NET1: variants seen among roughly 807,000 people sequenced by gnomAD.
The protein encoded by NET1 is neuroepithelial cell transforming 1.
A neutral mutation model predicts 61.1 loss-of-function variants in NET1; 42 were observed. The ratio of observed to expected loss-of-function variants is 0.69; its 90% CI spans 0.54 to 0.89. NET1 has a LOEUF of 0.89. NET1 is among the 40% of genes least tolerant of loss of function. The pLI is 0.00. For synonymous variants in NET1, 254 were observed against 281.8 expected (o/e 0.90, Z 0.99); for missense variants, 654 against 747.3 (o/e 0.88, Z 1.46).
In NET1 at chr10:5,456,861, C is replaced by A. The variant is rs139000528; in HGVS notation, c.1658C>A (p.Ala553Asp). 29 of 1,614,128 alleles carry A rather than the reference C, an allele frequency of 1.8e-5. 2 individuals are homozygous for A. The highest frequency in any genetic ancestry group is 1.5e-4 in the Admixed American group (9 of 60,018). ...ACTCAGGTAGAAGTTGATGAAAACG[C>A]TTACAGATGTGGCTCTGGCATGCAG... is the stretch of plus-strand genomic sequence containing the variant. ...SVTQVEVDENAYRCGSGMQMA... is the reference protein window; with the variant it reads ...SVTQVEVDENDYRCGSGMQMA... Residue 553 changes from alanine (A) to aspartate (D), a missense_variant, in exon 12 of 12, where the codon GCT becomes GAT. By Grantham distance (126) the Ala-to-Asp change is moderately radical. Transcript: ENST00000355029. The surrounding 1 kb of genome is among the most constrained non-coding windows in gnomAD (Gnocchi z 7.0).
rs549705274 is a variant in NET1, at chr10:5,418,442, G to T, written c.128+5622G>T. Among the ~76,000 whole-genome samples the T allele has an allele frequency of 1.1e-4, 17 of 152,132 alleles. 1 individual carries two copies. In the South Asian group the frequency reaches 3.5e-3, roughly 32 times the overall value. ...CTAATTTGTTGGTGTACCCTTCCTT[G>T]TTCATAGTATTTCTTTATAATCCTT... On this transcript the variant is annotated intron_variant, in intron 1 of 11. Transcript: ENST00000355029.
At position 5,440,143 on chromosome 10, in the gene NET1, G is replaced by C. The variant is rs182783235; in HGVS notation, c.255+10914G>C. Among the ~76,000 whole-genome samples the C allele has an allele frequency of 2.0e-5, 3 of 152,244 alleles. No individual in the cohort carries two copies. Among genetic ancestry groups the C allele is most frequent in the African/African-American group, 2.4e-5 (1 of 41,524 alleles). ...CACTTCCTATTCACCAGGTCTTTTT[G>C]GTATAATGTTATTAATACAGTGGGC... On this transcript the variant is annotated intron_variant, in intron 3 of 11. Coordinates refer to ENST00000355029, the MANE Select transcript of NET1 (RefSeq NM_001047160.3). This position sits in a 1 kb window ranked among gnomAD's most constrained non-coding sequence, Gnocchi z 4.1.
At position 5,456,421 on chromosome 10, in the gene NET1, A is replaced by C; in HGVS notation, c.1384+148A>C. ...GAGTTGTCCAGGCCTTCCCAGCTCG[A>C]ACACCCGCAGGTGTATCTAAGAAAT... On this transcript the variant is annotated intron_variant, in intron 11 of 11. Coordinates refer to ENST00000355029, the MANE Select transcript of NET1 (RefSeq NM_001047160.3). The surrounding 1 kb of genome is among the most constrained non-coding windows in gnomAD (Gnocchi z 7.0). 9.7e-7 allele frequency: 1 copy of C among 1,030,720 alleles called. No individual in the cohort carries two copies. Among genetic ancestry groups the C allele is most frequent in the Non-Finnish European group, 1.4e-6 (1 of 725,612 alleles). 63.8% of individuals were successfully genotyped at this position (1,030,720 alleles called of 1,614,324 possible). A position where few individuals can be genotyped will look rare whatever the true frequency, so the allele number is the denominator to read the frequency against.
rs905090879 is a variant in NET1 at position 5,451,734 on chromosome 10, A to C, written c.256-96A>C. The C allele has an allele frequency of 7.2e-6, 6 of 838,350 alleles. No homozygotes were observed. Among genetic ancestry groups the C allele is most frequent in the Middle Eastern group, 2.5e-4 (1 of 4,044 alleles). 51.9% of individuals were successfully genotyped at this position (838,350 alleles called of 1,614,324 possible). A position where few individuals can be genotyped will look rare whatever the true frequency, so the allele number is the denominator to read the frequency against. On this transcript the variant is annotated intron_variant, in intron 3 of 11. Coordinates refer to ENST00000355029, the MANE Select transcript of NET1 (RefSeq NM_001047160.3). This position sits in a 1 kb window ranked among gnomAD's most constrained non-coding sequence, Gnocchi z 6.1. ...CATGTTTCTGTATTTTATAATGTAC[A>C]AAAATTGTTTTGTGAGAGGGCTTTA...
In NET1 at chr10:5,427,676, A is replaced by C. The variant is rs1246334006; in HGVS notation, c.195+955A>C. The stretch of plus-strand genomic sequence containing the variant: ...CTTGAGTTCCAACACCTCCATTCTG[A>C]TATATATTGTTCTTTCATGTCTTAG... On this transcript the variant is annotated intron_variant, in intron 2 of 11. Transcript: ENST00000355029. This position sits in a 1 kb window ranked among gnomAD's most constrained non-coding sequence, Gnocchi z 4.1. 6.6e-6 allele frequency among the ~76,000 whole-genome samples: 1 copy of C among 152,046 alleles called. No homozygotes were observed. Among genetic ancestry groups the C allele is most frequent in the African/African-American group, 2.4e-5 (1 of 41,402 alleles).
Position 5,442,357 on chromosome 10 carries a change from A to G in NET1, c.256-9473A>G, listed in dbSNP as rs141382988. Reference sequence around the variant, plus strand: ...ATTGTTCCAGGTAAAAGTAGATAATAATGCCTAGACCAAAAAAAGTAATGA... The same window carrying G: ...ATTGTTCCAGGTAAAAGTAGATAATGATGCCTAGACCAAAAAAAGTAATGA... On this transcript the variant is annotated intron_variant, in intron 3 of 11. Transcript: ENST00000355029. Among the ~76,000 whole-genome samples, 52 of 152,324 alleles carry G rather than the reference A, an allele frequency of 3.4e-4. No homozygotes were observed. The East Asian group carries it at 8.5e-3, about 25-fold the overall frequency.
intron 3 of NET1, 64 bp downstream of exon 3, chr10:5,429,293 T>C (rs892137822): frequency 6.5e-6 from 8 of 1,227,394 alleles, no homozygotes; most frequent in Non-Finnish European, 9.2e-6. Context: ...TTTATTTCTG[T>C]GCTGCAAGAA....
chr10:5,452,808 AT>A lies in NET1; in HGVS notation c.532-46del. 6.6e-7 allele frequency: 1 copy of A among 1,519,310 alleles called. No individual in the cohort carries two copies. Among genetic ancestry groups the A allele is most frequent in the Non-Finnish European group, 9.0e-7 (1 of 1,106,950 alleles). 94.1% of individuals were successfully genotyped at this position (1,519,310 alleles called of 1,614,324 possible). A position where few individuals can be genotyped will look rare whatever the true frequency, so the allele number is the denominator to read the frequency against. Reference sequence around the variant, plus strand: ...ATAATGTAATTATCAGTTGTATATAATTTTCCTTTCTCGAAGGAATGACCTC... The same window carrying A: ...ATAATGTAATTATCAGTTGTATATAATTTCCTTTCTCGAAGGAATGACCTC... On this transcript the variant is annotated intron_variant, in intron 5 of 11. Transcript: ENST00000355029. The surrounding 1 kb of genome is among the most constrained non-coding windows in gnomAD (Gnocchi z 4.0).
rs142095506 is a variant in NET1 at position 5,456,182 on chromosome 10, C to A, written c.1293C>A (p.Ile431=). The change falls in exon 11 of 12, where the codon ATC becomes ATA. Residue 431 remains isoleucine, a synonymous_variant. Coordinates refer to ENST00000355029, the MANE Select transcript of NET1 (RefSeq NM_001047160.3). This position sits in a 1 kb window ranked among gnomAD's most constrained non-coding sequence, Gnocchi z 7.0. ...RHSYQVYRQP[I]PVQELVLEDL... is the part of the protein sequence containing the mutation. ...CTTACCAGGTTTACCGGCAGCCAAT[C>A]CCAGTCCAAGAGCTAGTCCTAGAAG... The A allele has an allele frequency of 9.3e-6, 15 of 1,614,066 alleles. No individual in the cohort carries two copies. The highest frequency in any genetic ancestry group is 3.3e-5 in the Admixed American group (2 of 60,008).
At chr10:5,450,249 C>G (rs1832683467) in intron 3 of NET1, among the ~76,000 whole-genome samples, 1 of 152,206 alleles carries the variant, frequency 6.6e-6, no homozygotes. Context: ...TTAAAGCCTT[C>G]AGATTTCCAA....
At chr10:5,436,471 C>T (rs569639227) in intron 3 of NET1, among the ~76,000 whole-genome samples, 5 of 150,104 alleles carry the variant, frequency 3.3e-5, no homozygotes, top group East Asian at 2.0e-4. Flanking sequence ...CCTGACCTCA[C>T]GTGATCCACC....
At position 5,455,148 on chromosome 10, in the gene NET1, A is replaced by C; in HGVS notation, c.1197+30A>C. ...GTGACTTTTGCTGCCGTGGCAGAGCAGCCTTCCCTCCTGCCTCTTTAACTT... is the reference window on the plus strand; with the variant it reads ...GTGACTTTTGCTGCCGTGGCAGAGCCGCCTTCCCTCCTGCCTCTTTAACTT... On this transcript the variant is annotated intron_variant, in intron 10 of 11. Transcript: ENST00000355029. The surrounding 1 kb of genome is among the most constrained non-coding windows in gnomAD (Gnocchi z 6.5). 2 of 1,606,690 alleles carry C rather than the reference A, an allele frequency of 1.2e-6. No homozygotes were observed. Among genetic ancestry groups the C allele is most frequent in the Non-Finnish European group, 1.7e-6 (2 of 1,174,900 alleles).
Position 5,449,145 on chromosome 10 carries a change from A to G in NET1, c.256-2685A>G, listed in dbSNP as rs1221566049. On this transcript the variant is annotated intron_variant, in intron 3 of 11. Transcript: ENST00000355029. This position sits in a 1 kb window ranked among gnomAD's most constrained non-coding sequence, Gnocchi z 4.4. ...GAGTCTGTTTTCAAATAGTATATGTATCCTGAAATTAGTAGCAGCATTATA... is the reference window on the plus strand; with the variant it reads ...GAGTCTGTTTTCAAATAGTATATGTGTCCTGAAATTAGTAGCAGCATTATA... Among the ~76,000 whole-genome samples, 2 of 152,224 alleles carry G rather than the reference A, an allele frequency of 1.3e-5. No individual in the cohort carries two copies. Among genetic ancestry groups the G allele is most frequent in the Non-Finnish European group, 2.9e-5 (2 of 68,044 alleles).
Position 5,427,275 on chromosome 10 carries a change from C to T in NET1, c.195+554C>T, listed in dbSNP as rs1588426587. ...TAGCTCATAATACATATATAAAGTACGTACAAATAGATCATGATTCTTATG... is the reference window on the plus strand; with the variant it reads ...TAGCTCATAATACATATATAAAGTATGTACAAATAGATCATGATTCTTATG... On this transcript the variant is annotated intron_variant, in intron 2 of 11. Transcript: ENST00000355029. The surrounding 1 kb of genome is among the most constrained non-coding windows in gnomAD (Gnocchi z 4.1). Among the ~76,000 whole-genome samples the T allele has an allele frequency of 6.6e-6, 1 of 151,932 alleles. No individual in the cohort carries two copies. The highest frequency in any genetic ancestry group is 2.4e-5 in the African/African-American group (1 of 41,366).
chr10:5,455,920 G>C lies in NET1; in HGVS notation c.1198-167G>C, dbSNP rs1564469648. Among the ~76,000 whole-genome samples the C allele has an allele frequency of 6.6e-6, 1 of 152,156 alleles. No homozygotes were observed. Among genetic ancestry groups the C allele is most frequent in the South Asian group, 2.1e-4 (1 of 4,832 alleles). ...TGGAAAAACTTTCCAAATAGAACAT[G>C]CTTAGCCTTGAAATTGCCATCTTTA... On this transcript the variant is annotated intron_variant, in intron 10 of 11. Coordinates refer to ENST00000355029, the MANE Select transcript of NET1 (RefSeq NM_001047160.3). This position sits in a 1 kb window ranked among gnomAD's most constrained non-coding sequence, Gnocchi z 6.5.
At chr10:5,425,543 A>G (rs1000279286) in intron 1 of NET1, among the ~76,000 whole-genome samples, 5 of 152,202 alleles carry the variant, frequency 3.3e-5, no homozygotes, top group African/African-American at 1.2e-4. Context: ...TCACACTTCC[A>G]ATTCATAACC....
At position 5,446,907 on chromosome 10, in the gene NET1, A is replaced by G. The variant is rs370618086; in HGVS notation, c.256-4923A>G. ...GGCAAAAGGAATGTTTTCTAACTCC[A>G]CGGAGCTTTTAAAATTTTTAACAAG... is the stretch of plus-strand genomic sequence containing the variant. On this transcript the variant is annotated intron_variant, in intron 3 of 11. Transcript: ENST00000355029. The surrounding 1 kb of genome is among the most constrained non-coding windows in gnomAD (Gnocchi z 5.0). The G allele has an allele frequency of 2.7e-6, 4 of 1,508,986 alleles. No individual in the cohort carries two copies. Among genetic ancestry groups the G allele is most frequent in the Non-Finnish European group, 3.6e-6 (4 of 1,106,200 alleles). The allele number at this position is 1,508,986 out of a possible 1,614,324, so 93.5% of individuals were successfully genotyped here. A position where few individuals can be genotyped will look rare whatever the true frequency, so the allele number is the denominator to read the frequency against.
chr10:5,450,632 A>C (rs1832689208), intron 3 of NET1, among the ~76,000 whole-genome samples: 2 of 152,088 alleles, frequency 1.3e-5, no homozygotes, highest in South Asian at 4.1e-4. Context: ...ATAATTTTAA[A>C]TTATATATCC....
Position 5,457,846 on chromosome 10 carries a change from C to G in NET1, c.*852C>G, listed in dbSNP as rs1832832334. ...AAGTGTAGCATTTCAGGGTAAAGAC[C>G]CATGAAATGGCTTGATGTATTCTAG... is the stretch of plus-strand genomic sequence containing the variant. On this transcript the variant is annotated 3_prime_UTR_variant, in exon 12 of 12. Coordinates refer to ENST00000355029, the MANE Select transcript of NET1 (RefSeq NM_001047160.3). The surrounding 1 kb of genome is among the most constrained non-coding windows in gnomAD (Gnocchi z 5.4). 1 of 152,328 alleles carries G rather than the reference C, an allele frequency of 6.6e-6. No homozygotes were observed. The highest frequency in any genetic ancestry group is 1.5e-5 in the Non-Finnish European group (1 of 67,994). The allele number at this position is 152,328 out of a possible 1,614,324, so 9.4% of individuals were successfully genotyped here.
Sources: allele counts gnomAD v4.1 joint callset (sites outside exome capture counted in the v4.1 genomes callset), GRCh38; gene constraint gnomAD v4.1.1; non-coding constraint Gnocchi (gnomAD v3.1); transcripts MANE v1.5; gene names NCBI Gene and HGNC (gene_info 2026-07-23, HGNC 2026-07-21).